PRKN: variants seen among roughly 807,000 people sequenced by gnomAD.
PRKN encodes parkin RBR E3 ubiquitin protein ligase.
A neutral mutation model predicts 59.5 loss-of-function variants in PRKN; 56 were observed. The observed-to-expected ratio is 0.94, with a 90% CI of 0.76 to 1.18. PRKN has a LOEUF of 1.18. PRKN is among the 50% of genes most tolerant of loss of function. PRKN has a pLI of 0.00. For missense variants in PRKN, 657 were observed against 596.4 expected (o/e 1.10, Z -1.06); for synonymous variants, 250 against 222.1 (o/e 1.13, Z -1.12).
intron 6 of PRKN, among the ~76,000 whole-genome samples, chr6:161,841,293 G>A (rs1421870952): frequency 2.0e-5 from 3 of 151,838 alleles, no homozygotes; most frequent in East Asian, 1.9e-4. Context: ...TTGACCCAAC[G>A]TTAGTCAGGC....
chr6:161,651,294 A>G (rs1784140745), intron 7 of PRKN, among the ~76,000 whole-genome samples: 1 of 152,194 alleles, frequency 6.6e-6, no homozygotes, highest in Non-Finnish European at 1.5e-5. Flanking sequence ...ATAACTAATT[A>G]TCTGTACTCT....
At chr6:161,955,827 G>T (rs1287942289) in intron 6 of PRKN, among the ~76,000 whole-genome samples, 3 of 151,986 alleles carry the variant, frequency 2.0e-5, no homozygotes, top group African/African-American at 7.2e-5. Flanking sequence ...TCCAGCCTGG[G>T]CAAAAAGAGC....
At chr6:161,800,007 G>A (rs1791014500) in intron 6 of PRKN, among the ~76,000 whole-genome samples, 1 of 152,112 alleles carries the variant, frequency 6.6e-6, no homozygotes, top group African/African-American at 2.4e-5. Flanking sequence ...AGCCACATGG[G>A]GCCTTTAAGA....
rs961370615 is a variant in PRKN, at chr6:161,373,620, T to A, written c.1167+13174A>T. 6.7e-6 allele frequency among the ~76,000 whole-genome samples: 1 copy of A among 148,354 alleles called. No individual in the cohort carries two copies. Among genetic ancestry groups the A allele is most frequent in the African/African-American group, 2.5e-5 (1 of 40,772 alleles). The stretch of plus-strand genomic sequence containing the variant: ...GCAGGGGTGATGAGTTAAATGGCCA[T>A]GCCTCTGTGCTTGCAGGGGTGATGA... On this transcript the variant is annotated intron_variant, in intron 10 of 11. Transcript: ENST00000366898. The surrounding 1 kb of genome is among the most constrained non-coding windows in gnomAD (Gnocchi z 4.8).
intron 3 of PRKN, among the ~76,000 whole-genome samples, chr6:162,215,531 G>A (rs1462258773): frequency 6.6e-6 from 1 of 152,132 alleles, no homozygotes; most frequent in Non-Finnish European, 1.5e-5. Flanking sequence ...AATGAATGTT[G>A]TCAAAAGATT....
intron 7 of PRKN, among the ~76,000 whole-genome samples, chr6:161,677,964 C>T (rs1299463567): frequency 6.6e-6 from 1 of 152,130 alleles, no homozygotes; most frequent in Admixed American, 6.5e-5. Flanking sequence ...TAAGAACTGC[C>T]TCCAGGAGTG....
chr6:162,142,794 C>T lies in PRKN; in HGVS notation c.534+58337G>A, dbSNP rs539429735. Among the ~76,000 whole-genome samples, 5 of 152,270 alleles carry T rather than the reference C, an allele frequency of 3.3e-5. No homozygotes were observed. The South Asian group carries it at 1.0e-3, about 32-fold the overall frequency. On this transcript the variant is annotated intron_variant, in intron 4 of 11. Transcript: ENST00000366898. ...ATTAATTCATTTTATCCGCTAACAA[C>T]CATGTTTGAGGTAGATTTTATCATC... is the stretch of plus-strand genomic sequence containing the variant.
chr6:161,535,934 T>C (rs2115396240), intron 9 of PRKN, among the ~76,000 whole-genome samples: 1 of 143,416 alleles, frequency 7.0e-6, no homozygotes, highest in East Asian at 2.1e-4. Flanking sequence ...CTACAATCCA[T>C]TTAGCCAGAG....
chr6:162,311,241 G>C (rs1782501486), intron 2 of PRKN, among the ~76,000 whole-genome samples: 1 of 152,100 alleles, frequency 6.6e-6, no homozygotes, highest in South Asian at 2.1e-4. Context: ...TAAAATATTT[G>C]TTGTAGCAAA....
intron 7 of PRKN, among the ~76,000 whole-genome samples, chr6:161,731,579 TATCTA>T (rs1342293640): frequency 5.9e-5 from 9 of 152,242 alleles, no homozygotes; most frequent in Admixed American, 2.6e-4. Flanking sequence ...AATGTTTGTT[TATCTA>T]ATAAAAGTTG....
intron 1 of PRKN, among the ~76,000 whole-genome samples, chr6:162,508,788 G>A (rs528078849): frequency 6.6e-6 from 1 of 152,176 alleles, no homozygotes; most frequent in Non-Finnish European, 1.5e-5. Flanking sequence ...GGAGGTTGAG[G>A]CTGCAGTGAG....
In PRKN at chr6:162,069,311, T is replaced by G. The variant is rs531398316; in HGVS notation, c.535-15137A>C. Among the ~76,000 whole-genome samples the G allele has an allele frequency of 2.4e-4, 37 of 152,278 alleles. 1 individual carries two copies. In the East Asian group the frequency reaches 6.6e-3, roughly 27 times the overall value. Reference sequence around the variant, plus strand: ...TGCCACCACCATGTAAGAAGTGCCTTTCACCTCACGCCATGATTCTGAGGC... The same window carrying G: ...TGCCACCACCATGTAAGAAGTGCCTGTCACCTCACGCCATGATTCTGAGGC... On this transcript the variant is annotated intron_variant, in intron 4 of 11. Coordinates refer to ENST00000366898, the MANE Select transcript of PRKN (RefSeq NM_004562.3).
rs1158594639 is a variant in PRKN at position 161,446,490 on chromosome 6, C to T, written c.1084-59613G>A. ...GGTGCCCTGAAGCCTGGCGTCTGAG[C>T]CAGATCTGACTTTGTGTAGAAGCAT... On this transcript the variant is annotated intron_variant, in intron 9 of 11. Coordinates refer to ENST00000366898, the MANE Select transcript of PRKN (RefSeq NM_004562.3). This position sits in a 1 kb window ranked among gnomAD's most constrained non-coding sequence, Gnocchi z 6.2. 6.6e-6 allele frequency among the ~76,000 whole-genome samples: 1 copy of T among 152,066 alleles called. No individual in the cohort carries two copies. The highest frequency in any genetic ancestry group is 1.5e-5 in the Non-Finnish European group (1 of 68,034).
At chr6:161,504,961 T>A (rs994618708) in intron 9 of PRKN, among the ~76,000 whole-genome samples, 1 of 145,952 alleles carries the variant, frequency 6.9e-6, no homozygotes, top group Non-Finnish European at 1.5e-5. Flanking sequence ...TCTTTGCTAT[T>A]GTGAATAGTG....
rs1032559040 is a variant in PRKN at position 162,497,239 on chromosome 6, A to T, written c.8-53766T>A. Among the ~76,000 whole-genome samples, 3 of 152,148 alleles carry T rather than the reference A, an allele frequency of 2.0e-5. No homozygotes were observed. The South Asian group carries it at 6.2e-4, about 32-fold the overall frequency. ...TCACTATACTGTCACTGCTTTGTGCATAGTAGATGCTCAGTGAATATTCAG... is the reference window on the plus strand; with the variant it reads ...TCACTATACTGTCACTGCTTTGTGCTTAGTAGATGCTCAGTGAATATTCAG... On this transcript the variant is annotated intron_variant, in intron 1 of 11. Coordinates refer to ENST00000366898, the MANE Select transcript of PRKN (RefSeq NM_004562.3).
intron 1 of PRKN, among the ~76,000 whole-genome samples, chr6:162,453,012 C>T (rs139172781): frequency 1.3e-5 from 2 of 152,288 alleles, no homozygotes; most frequent in African/African-American, 4.8e-5. Context: ...AAACTTAAGA[C>T]TATGCTGCCA....
rs1054488584 is a variant in PRKN, at chr6:161,592,902, G to A, written c.872-23486C>T. Reference sequence around the variant, plus strand: ...AGGGGCCAGATCGTGATGGTCTCAAGGGTTGAAGTTTAATTCCGAGAGTAG... The same window carrying A: ...AGGGGCCAGATCGTGATGGTCTCAAAGGTTGAAGTTTAATTCCGAGAGTAG... On this transcript the variant is annotated intron_variant, in intron 7 of 11. Coordinates refer to ENST00000366898, the MANE Select transcript of PRKN (RefSeq NM_004562.3). The surrounding 1 kb of genome is among the most constrained non-coding windows in gnomAD (Gnocchi z 4.8). 2.0e-5 allele frequency among the ~76,000 whole-genome samples: 3 copies of A among 152,192 alleles called. No homozygotes were observed. The highest frequency in any genetic ancestry group is 2.0e-4 in the Admixed American group (3 of 15,286).
intron 6 of PRKN, among the ~76,000 whole-genome samples, chr6:161,870,892 A>G (rs1323412043): frequency 6.6e-6 from 1 of 152,120 alleles, no homozygotes; most frequent in Non-Finnish European, 1.5e-5. Flanking sequence ...GCTGGGAATC[A>G]TGGAATAGTT....
At chr6:162,235,938 GAAGGAAGGAAGGAAGA>G (rs1469164723) in intron 3 of PRKN, among the ~76,000 whole-genome samples, 2 of 104,200 alleles carry the variant, frequency 1.9e-5, no homozygotes, top group Admixed American at 1.0e-4. Context: ...AGGAAGGAAG[GAAGGAAGGAAGGAAGA>G]AAGGAAGAAA....
Sources: allele counts gnomAD v4.1 joint callset (sites outside exome capture counted in the v4.1 genomes callset), GRCh38; gene constraint gnomAD v4.1.1; non-coding constraint Gnocchi (gnomAD v3.1); transcripts MANE v1.5; gene names NCBI Gene and HGNC (gene_info 2026-07-23, HGNC 2026-07-21).